HADHA: variants seen among roughly 807,000 people sequenced by gnomAD.
HADHA encodes the protein trifunctional enzyme subunit alpha, mitochondrial.
In HADHA, 59 loss-of-function variants were observed where a neutral mutation model predicts 91.3. That is an observed-to-expected ratio of 0.65 (90% CI 0.52 to 0.80). The LOEUF is 0.80. Among genes scored for constraint, HADHA ranks in the 30% least tolerant of loss-of-function variants. The pLI, the probability that HADHA is intolerant of heterozygous loss-of-function variation, is 0.00. For missense variants in HADHA, 800 were observed against 927.6 expected (o/e 0.86, Z 1.79); for synonymous variants, 320 against 338.9 (o/e 0.94, Z 0.61).
intron 7 of HADHA, among the ~76,000 whole-genome samples, chr2:26,216,904 G>T (rs1366672564): frequency 6.6e-6 from 1 of 152,136 alleles, no homozygotes; most frequent in African/African-American, 2.4e-5. Context: ...ACCATAAAAG[G>T]CATGAAATGA....
intron 5 of HADHA, among the ~76,000 whole-genome samples, chr2:26,232,877 T>A (rs1406476170): frequency 6.9e-6 from 1 of 145,706 alleles, no homozygotes; most frequent in Admixed American, 7.0e-5. Flanking sequence ...CTAGGCTATA[T>A]GGGATAGCCT....
At position 26,229,930 on chromosome 2, in the gene HADHA, C is replaced by T. The variant is rs111568910; in HGVS notation, c.676+262G>A. On this transcript the variant is annotated intron_variant, in intron 7 of 19. Transcript: ENST00000380649. This position sits in a 1 kb window ranked among gnomAD's most constrained non-coding sequence, Gnocchi z 4.3. ...CAACCTCAGCCCCGCCAGGTTCAAG[C>T]GATCCTCCTGCCTCAGCCTCCCAAG... Among the ~76,000 whole-genome samples the T allele has an allele frequency of 3.3e-5, 5 of 152,142 alleles. No homozygotes were observed. The highest frequency in any genetic ancestry group is 6.5e-5 in the Admixed American group (1 of 15,274).
chr2:26,202,953 G>A (rs74531091), intron 12 of HADHA, among the ~76,000 whole-genome samples: 1 of 152,242 alleles, frequency 6.6e-6, no homozygotes, highest in East Asian at 1.9e-4. Context: ...GCCAGAACCT[G>A]ATGTTTCTAA....
intron 11 of HADHA, among the ~76,000 whole-genome samples, chr2:26,207,380 A>G (rs533160108): frequency 5.5e-4 from 83 of 151,820 alleles, no homozygotes; most frequent in African/African-American, 1.9e-3. Context: ...GCTGTTAATA[A>G]CAATAATAGT....
Position 26,209,880 on chromosome 2 carries a change from C to T in HADHA, c.985G>A (p.Glu329Lys). ...TTTGATTCTTTGGTCATTACAAGCTCTCCAAATTTCTGAAAAGTAAAGGGG... is the reference window on the plus strand; with the variant it reads ...TTTGATTCTTTGGTCATTACAAGCTTTCCAAATTTCTGAAAAGTAAAGGGG... ...GYLCESQKFG[E>K]LVMTKESKAL... The change falls in exon 11 of 20, where the codon GAG becomes AAG. Residue 329 changes from glutamate to lysine, a missense_variant. Physicochemically the swap from Glu to Lys is moderately conservative, Grantham distance 56. Transcript: ENST00000380649. 1.3e-6 allele frequency: 2 copies of T among 1,557,104 alleles called. No individual in the cohort carries two copies. The highest frequency in any genetic ancestry group is 1.8e-6 in the Non-Finnish European group (2 of 1,127,984).
chr2:26,206,848 G>A (rs1352161649), intron 11 of HADHA, among the ~76,000 whole-genome samples: 1 of 152,140 alleles, frequency 6.6e-6, no homozygotes, highest in Non-Finnish European at 1.5e-5. Context: ...ATATCACTGA[G>A]TAAAAAGTGC....
intron 11 of HADHA, 68 bp from the exon 12 acceptor site, chr2:26,204,264 G>A (rs1309858254): frequency 3.5e-6 from 5 of 1,442,416 alleles, no homozygotes; most frequent in Non-Finnish European, 2.9e-6. Context: ...GTGGAAGATT[G>A]CCTAAGTTAT....
rs1449655616 is a variant in HADHA, at chr2:26,193,780, G to C, written c.1690-8C>G. On this transcript the variant is annotated splice_polypyrimidine_tract_variant and splice_region_variant and intron_variant, in intron 16 of 19. Coordinates refer to ENST00000380649, the MANE Select transcript of HADHA (RefSeq NM_000182.5). ...CTTCGGGTCAACTCCTTCCTGAACAGGAAGCGATGCAGGGACCTCAGGGGA... is the reference window on the plus strand; with the variant it reads ...CTTCGGGTCAACTCCTTCCTGAACACGAAGCGATGCAGGGACCTCAGGGGA... 1.2e-6 allele frequency: 2 copies of C among 1,613,240 alleles called. No individual in the cohort carries two copies. The highest frequency in any genetic ancestry group is 1.7e-6 in the Non-Finnish European group (2 of 1,179,202).
At chr2:26,198,508 G>A (rs907268210) in intron 13 of HADHA, among the ~76,000 whole-genome samples, 1 of 151,864 alleles carries the variant, frequency 6.6e-6, no homozygotes, top group Non-Finnish European at 1.5e-5. Flanking sequence ...GATGAGAAAC[G>A]TGGAAGGGAC....
At position 26,215,101 on chromosome 2, in the gene HADHA, G is replaced by A. The variant is rs778945181; in HGVS notation, c.751C>T (p.Leu251=). Residue 251 remains leucine, a synonymous_variant, in exon 8 of 20, where the codon CTA becomes TTA. Coordinates refer to ENST00000380649, the MANE Select transcript of HADHA (RefSeq NM_000182.5). ...EEVAITFAKG[L]ADKKISPKRD... ...TTTGGAGAGATCTTCTTATCAGCTA[G>A]TCCTTTGGCAAAAGTAATTGCAACT... 10 of 1,607,654 alleles carry A rather than the reference G, an allele frequency of 6.2e-6. No individual in the cohort carries two copies. The East Asian group carries it at 1.3e-4, about 22-fold the overall frequency.
chr2:26,191,419 T>C (rs775407799), intron 19 of HADHA, 24 bp from the exon 20 acceptor site: 6 of 1,614,050 alleles, frequency 3.7e-6, no homozygotes, highest in South Asian at 2.2e-5. Context: ...GAGGACTTCG[T>C]TGAAGGAGAC....
chr2:26,191,362 T>C lies in HADHA; in HGVS notation c.2180A>G (p.Gln727Arg), dbSNP rs1460924698. Residue 727 changes from glutamine (Q) to arginine (R), a missense_variant, in exon 20 of 20, where the codon CAG becomes CGG. By Grantham distance (43) the Gln-to-Arg change is conservative. Transcript: ENST00000380649. Reference sequence around the variant, plus strand: ...TTTCTTGAGCCGGTCCACTATCTTCTGGGCGCCATACAGATCCACAAAGCG... The same window carrying C: ...TTTCTTGAGCCGGTCCACTATCTTCCGGGCGCCATACAGATCCACAAAGCG... Reference protein sequence around the residue: ...PFRFVDLYGAQKIVDRLKKYE... With the variant: ...PFRFVDLYGARKIVDRLKKYE... 1.2e-6 allele frequency: 2 copies of C among 1,614,196 alleles called. No individual in the cohort carries two copies. The highest frequency in any genetic ancestry group is 1.7e-6 in the Non-Finnish European group (2 of 1,180,046).
chr2:26,192,529 G>A (rs894143144), intron 17 of HADHA, 105 bp from the exon 18 acceptor site: 13 of 754,416 alleles, frequency 1.7e-5, no homozygotes, highest in African/African-American at 1.4e-4. Flanking sequence ...GCTCACGCCT[G>A]TAATCCCAGC....
At chr2:26,195,331 T>C in intron 14 of HADHA, 99 bp from the exon 15 acceptor site, 1 of 1,034,138 alleles carries the variant, frequency 9.7e-7, no homozygotes, top group Non-Finnish European at 1.5e-6. Context: ...GAAAGGTGGC[T>C]GTGATATAGG....
intron 7 of HADHA, among the ~76,000 whole-genome samples, chr2:26,217,058 C>T (rs1408574122): frequency 6.6e-6 from 1 of 151,988 alleles, no homozygotes; most frequent in Non-Finnish European, 1.5e-5. Flanking sequence ...TAGAGGAAAA[C>T]AGGACGATAA....
At chr2:26,223,745 ATTTAT>A (rs1670426027) in intron 7 of HADHA, among the ~76,000 whole-genome samples, 2 of 151,752 alleles carry the variant, frequency 1.3e-5, no homozygotes, top group Non-Finnish European at 2.9e-5. Flanking sequence ...GAAATCTTTT[ATTTAT>A]TTATTTATTT....
At chr2:26,194,059 T>C (rs948018328) in intron 16 of HADHA, among the ~76,000 whole-genome samples, 3 of 152,186 alleles carry the variant, frequency 2.0e-5, no homozygotes, top group African/African-American at 7.2e-5. Context: ...AATAAGGAGA[T>C]TGCATGACAG....
Position 26,204,179 on chromosome 2 carries a change from C to A in HADHA, c.1103G>T (p.Gly368Val), listed in dbSNP as rs1384058982. The A allele has an allele frequency of 6.2e-7, 1 of 1,614,028 alleles. No individual in the cohort carries two copies. The highest frequency in any genetic ancestry group is 1.7e-5 in the Admixed American group (1 of 60,024). ...QKDVKHLAILGAGLMGAGIAQ... is the reference protein window; with the variant it reads ...QKDVKHLAILVAGLMGAGIAQ... ...GATGCCTGCTCCCATCAGCCCTGCA[C>A]CAAGAATAGCCAGATGCCTGCAAGG... Residue 368 changes from glycine (G) to valine (V), a missense_variant, in exon 12 of 20, where the codon GGT (glycine) becomes GTT (valine). Physicochemically the swap from Gly to Val is moderately radical, Grantham distance 109. Transcript: ENST00000380649.
chr2:26,215,919 T>A (rs1670208126), intron 7 of HADHA, among the ~76,000 whole-genome samples: 1 of 152,234 alleles, frequency 6.6e-6, no homozygotes, highest in South Asian at 2.1e-4. Flanking sequence ...AATATGCAAC[T>A]GATTTTCCAC....
Sources: allele counts gnomAD v4.1 joint callset (sites outside exome capture counted in the v4.1 genomes callset), GRCh38; gene constraint gnomAD v4.1.1; non-coding constraint Gnocchi (gnomAD v3.1); transcripts MANE v1.5; gene names NCBI Gene and HGNC (gene_info 2026-07-23, HGNC 2026-07-21).